BARX2: variants seen among roughly 807,000 people sequenced by gnomAD.
The protein encoded by BARX2 is homeobox protein BarH-like 2.
In BARX2, 11 loss-of-function variants were observed where a neutral mutation model predicts 25.5. The observed-to-expected ratio is 0.43, with a 90% confidence interval of 0.27 to 0.71. The LOEUF (loss-of-function observed/expected upper bound fraction) is 0.71, where lower values mean the gene tolerates loss of function less well. BARX2 is among the 30% of genes least tolerant of loss of function. The pLI is 0.19. For synonymous variants in BARX2, 137 were observed against 149.5 expected (o/e 0.92, Z 0.61); for missense variants, 360 against 359.9 (o/e 1.00, Z 0.00).
At chr11:129,442,402 C>T (rs550221785) in intron 2 of BARX2, among the ~76,000 whole-genome samples, 12 of 152,126 alleles carry the variant, frequency 7.9e-5, no homozygotes, top group Non-Finnish European at 1.5e-4. Flanking sequence ...AATCACCTGC[C>T]GGAGGTGGGA....
At chr11:129,422,418 C>T (rs1169977296) in intron 1 of BARX2, among the ~76,000 whole-genome samples, 3 of 152,144 alleles carry the variant, frequency 2.0e-5, no homozygotes. Flanking sequence ...CCTGCCTCAG[C>T]CCCCCAAGTA....
intron 1 of BARX2, among the ~76,000 whole-genome samples, chr11:129,408,020 CAAAAAAAAAAA>C (rs59310534): frequency 6.5e-5 from 3 of 46,486 alleles, no homozygotes; most frequent in East Asian, 7.4e-4. Context: ...GACTCCGTCT[CAAAAAAAAAAA>C]AAAAAAAAAA....
intron 2 of BARX2, among the ~76,000 whole-genome samples, chr11:129,438,525 A>G (rs999622135): frequency 6.6e-6 from 1 of 152,162 alleles, no homozygotes; most frequent in Non-Finnish European, 1.5e-5. Context: ...AGGAACCTCA[A>G]ATGAATCTCT....
At chr11:129,381,082 G>T (rs897435565) in intron 1 of BARX2, among the ~76,000 whole-genome samples, 1 of 152,062 alleles carries the variant, frequency 6.6e-6, no homozygotes, top group African/African-American at 2.4e-5. Flanking sequence ...CTGTGAAGTC[G>T]GTTTTAACTC....
At chr11:129,385,662 C>T (rs1165725469) in intron 1 of BARX2, among the ~76,000 whole-genome samples, 1 of 151,968 alleles carries the variant, frequency 6.6e-6, no homozygotes, top group Non-Finnish European at 1.5e-5. Context: ...TTTTTATTTT[C>T]CTATGTAATT....
chr11:129,405,511 A>G (rs1471275182), intron 1 of BARX2, among the ~76,000 whole-genome samples: 1 of 152,050 alleles, frequency 6.6e-6, no homozygotes, highest in East Asian at 1.9e-4. Flanking sequence ...TTATTTCTTC[A>G]TTGATACTTT....
chr11:129,410,126 G>A (rs1388466084), intron 1 of BARX2, among the ~76,000 whole-genome samples: 2 of 152,132 alleles, frequency 1.3e-5, no homozygotes, highest in African/African-American at 2.4e-5. Flanking sequence ...AGTACCTAGT[G>A]TTGTTAATAT....
At chr11:129,407,594 T>C (rs1861844493) in intron 1 of BARX2, among the ~76,000 whole-genome samples, 2 of 152,176 alleles carry the variant, frequency 1.3e-5, no homozygotes, top group Non-Finnish European at 2.9e-5. Context: ...AATCAGATGT[T>C]TTTCATATTA....
rs1259609611 is a variant in BARX2 at position 129,436,663 on chromosome 11, C to G, written c.188-88C>G. The G allele has an allele frequency of 7.1e-7, 1 of 1,417,918 alleles. No individual in the cohort carries two copies. The highest frequency in any genetic ancestry group is 9.5e-7 in the Non-Finnish European group (1 of 1,050,918). The allele number at this position is 1,417,918 out of a possible 1,614,324, so 87.8% of individuals were successfully genotyped here. On this transcript the variant is annotated intron_variant, in intron 1 of 3. Transcript: ENST00000281437. The surrounding 1 kb of genome is among the most constrained non-coding windows in gnomAD (Gnocchi z 4.5). ...TAAGAGCAGGGCCCTCCCTGTCAGA[C>G]AGACCTCAGCCAGCGGCCCTCCGCA...
chr11:129,381,753 T>C (rs567884001), intron 1 of BARX2, among the ~76,000 whole-genome samples: 5 of 152,226 alleles, frequency 3.3e-5, no homozygotes, highest in Admixed American at 6.5e-5. Context: ...GAAAAGGAGT[T>C]AGGATTGCAA....
At chr11:129,399,984 C>T (rs919423269) in intron 1 of BARX2, among the ~76,000 whole-genome samples, 4 of 152,098 alleles carry the variant, frequency 2.6e-5, no homozygotes, top group Non-Finnish European at 5.9e-5. Flanking sequence ...CCTCTGGCCT[C>T]GAGTCCAACC....
At chr11:129,417,667 G>T (rs1199984657) in intron 1 of BARX2, among the ~76,000 whole-genome samples, 1 of 152,234 alleles carries the variant, frequency 6.6e-6, no homozygotes, top group East Asian at 1.9e-4. Flanking sequence ...TGTGTTGGTT[G>T]TTACACTTGG....
At chr11:129,391,610 C>G (rs1861666291) in intron 1 of BARX2, among the ~76,000 whole-genome samples, 1 of 152,178 alleles carries the variant, frequency 6.6e-6, no homozygotes, top group African/African-American at 2.4e-5. Context: ...CATCCTGTGA[C>G]ACGAGAAAGA....
rs146943420 is a variant in BARX2, at chr11:129,447,193, A to G, written c.574-3943A>G. On this transcript the variant is annotated intron_variant, in intron 3 of 3. Coordinates refer to ENST00000281437, the MANE Select transcript of BARX2 (RefSeq NM_003658.5). ...CTATCTGAAAAGTAGAGGGAAGGAG[A>G]GAGTTCCTTCCTGCACTGACATTCC... Among the ~76,000 whole-genome samples, 161 of 152,244 alleles carry G rather than the reference A, an allele frequency of 1.1e-3. 2 individuals are homozygous for G. In the South Asian group the frequency reaches 0.02, roughly 19 times the overall value.
chr11:129,442,988 G>C (rs559226837), intron 3 of BARX2, 69 bp downstream of exon 3: 3 of 1,432,020 alleles, frequency 2.1e-6, no homozygotes, highest in Non-Finnish European at 2.9e-6. Context: ...GCTGTTGGGA[G>C]GGAGGCCGGA....
intron 3 of BARX2, among the ~76,000 whole-genome samples, chr11:129,446,702 C>T (rs956784297): frequency 2.3e-4 from 35 of 152,310 alleles, no homozygotes; most frequent in African/African-American, 7.0e-4. Flanking sequence ...CTTTCTCAGT[C>T]CCTGCTCCCC....
At chr11:129,440,229 A>G (rs1862241114) in intron 2 of BARX2, among the ~76,000 whole-genome samples, 2 of 152,222 alleles carry the variant, frequency 1.3e-5, no homozygotes, top group East Asian at 1.9e-4. Context: ...TAATGAGAGA[A>G]AGCTGATGAC....
chr11:129,433,866 C>A (rs1862156630), intron 1 of BARX2, among the ~76,000 whole-genome samples: 1 of 152,198 alleles, frequency 6.6e-6, no homozygotes, highest in South Asian at 2.1e-4. Context: ...TTGCTGTCTG[C>A]CTCCCCAAAT....
chr11:129,422,402 G>T (rs1862014464), intron 1 of BARX2, among the ~76,000 whole-genome samples: 1 of 152,100 alleles, frequency 6.6e-6, no homozygotes, highest in African/African-American at 2.4e-5. Flanking sequence ...CGGTTCAAGT[G>T]ATCCTCCTGC....
Sources: gnomAD v4.1 joint callset for allele counts (sites outside exome capture counted in the v4.1 genomes callset) on GRCh38, gnomAD v4.1.1 for gene constraint, Gnocchi (gnomAD v3.1) non-coding constraint, MANE v1.5 for transcripts, NCBI Gene and HGNC (gene_info 2026-07-23, HGNC 2026-07-21) for gene names.